Variants in OR51G2 observed in about 807,000 individuals in gnomAD.
The protein encoded by OR51G2 is olfactory receptor 51G2.
OR51G2 carries 13 observed loss-of-function variants against 11.8 expected under a neutral mutation model. The ratio of observed to expected loss-of-function variants is 1.10; its 90% CI spans 0.72 to 1.76. The LOEUF (loss-of-function observed/expected upper bound fraction) is 1.76. Ranked by LOEUF, OR51G2 falls within the 40% of genes most tolerant of loss-of-function variation. OR51G2 has a pLI of 0.00. For missense variants in OR51G2, 474 were observed against 394.4 expected (o/e 1.20, Z -1.71); for synonymous variants, 178 against 151.9 (o/e 1.17, Z -1.26).
intron 1 of OR51G2, among the ~76,000 whole-genome samples, chr11:4,918,448 A>C (rs976161467): frequency 1.3e-5 from 2 of 152,184 alleles, no homozygotes; most frequent in Admixed American, 1.3e-4. Flanking sequence ...GGAATCAGAG[A>C]GAATAATGAG....
At chr11:4,918,136 AAG>A (rs1220754695) in intron 1 of OR51G2, among the ~76,000 whole-genome samples, 2 of 152,040 alleles carry the variant, frequency 1.3e-5, no homozygotes, top group Non-Finnish European at 2.9e-5. Context: ...CAAATGAGGA[AAG>A]AGAGGCTTAG....
rs1340242824 is a variant in OR51G2, at chr11:4,912,666, A to G, written c.*2053T>C. ...AATTCATAATGAAAGATGTTGGAAT[A>G]TTGAGCCTTAAAAAATGTGATTATG... is the stretch of plus-strand genomic sequence containing the variant. On this transcript the variant is annotated 3_prime_UTR_variant, in exon 2 of 2. Transcript: ENST00000641926. 7.0e-6 allele frequency: 1 copy of G among 142,564 alleles called. No individual in the cohort carries two copies. Among genetic ancestry groups the G allele is most frequent in the Non-Finnish European group, 1.5e-5 (1 of 65,096 alleles). 8.8% of individuals were successfully genotyped at this position (142,564 alleles called of 1,614,324 possible). A position where few individuals can be genotyped will look rare whatever the true frequency, so the allele number is the denominator to read the frequency against.
intron 1 of OR51G2, among the ~76,000 whole-genome samples, chr11:4,916,638 C>T (rs1191505144): frequency 6.6e-6 from 1 of 152,156 alleles, no homozygotes; most frequent in East Asian, 1.9e-4. Flanking sequence ...GACATAGAAG[C>T]TTAGCCTTGT....
Position 4,914,977 on chromosome 11 carries a change from G to A in OR51G2, c.687C>T (p.Thr229=), listed in dbSNP as rs758397593. The A allele has an allele frequency of 2.5e-5, 41 of 1,614,082 alleles. No individual in the cohort carries two copies. In the East Asian group the frequency reaches 5.6e-4, roughly 22 times the overall value. The part of the protein sequence containing the change: ...ILFSYALILR[T]VLSIASRAER... The stretch of plus-strand genomic sequence containing the variant: ...CAGCCCTGGAGGCGATGGACAGCAC[G>A]GTGCGCAGGATCAGAGCATAAGAGA... Residue 229 remains threonine (T), a synonymous_variant, in exon 2 of 2, where the codon ACC becomes ACT. Transcript: ENST00000641926.
chr11:4,917,481 A>G (rs1687206000), intron 1 of OR51G2, among the ~76,000 whole-genome samples: 2 of 152,338 alleles, frequency 1.3e-5, no homozygotes, highest in Middle Eastern at 6.8e-3. Context: ...AGCTGAATAA[A>G]TAAATAAACT....
In OR51G2 at chr11:4,915,492, G is replaced by C. The variant is rs143406644; in HGVS notation, c.172C>G (p.Arg58Gly). The change falls in exon 2 of 2, where the codon CGC becomes GGC. Residue 58 changes from arginine (R) to glycine (G), a missense_variant. Arg to Gly is a moderately radical substitution (Grantham distance 125). Coordinates refer to ENST00000641926, the MANE Select transcript of OR51G2 (RefSeq NM_001005238.2). ...AGATACATAGGTTCATGAAGTGAGC[G>C]CTCTGTTTTAATGATAAAAAGAATT... Reference protein sequence around the residue: ...CTILFIIKTERSLHEPMYLFL... With the variant: ...CTILFIIKTEGSLHEPMYLFL... 6.2e-7 allele frequency: 1 copy of C among 1,614,124 alleles called. No homozygotes were observed. The highest frequency in any genetic ancestry group is 8.5e-7 in the Non-Finnish European group (1 of 1,180,012).
In OR51G2 at chr11:4,915,332, C is replaced by G. The variant is rs367565540; in HGVS notation, c.332G>C (p.Cys111Ser). ...ACFAQLFFIH[C>S]FSFLESSVLL... Reference sequence around the variant, plus strand: ...CACAGAGGACTCGAGGAAGGAGAAGCAGTGAATGAAAAAGAGCTGAGCAAA... The same window carrying G: ...CACAGAGGACTCGAGGAAGGAGAAGGAGTGAATGAAAAAGAGCTGAGCAAA... The change falls in exon 2 of 2, where the codon TGC becomes TCC. Residue 111 changes from cysteine (C) to serine (S), a missense_variant. Transcript: ENST00000641926. 6.2e-7 allele frequency: 1 copy of G among 1,613,874 alleles called. No individual in the cohort carries two copies. Among genetic ancestry groups the G allele is most frequent in the African/African-American group, 1.3e-5 (1 of 74,998 alleles).
chr11:4,917,576 C>G (rs917491360), intron 1 of OR51G2, among the ~76,000 whole-genome samples: 1 of 152,212 alleles, frequency 6.6e-6, no homozygotes, highest in Non-Finnish European at 1.5e-5. Context: ...CGTTAACTCA[C>G]TGTCCACCTG....
intron 1 of OR51G2, among the ~76,000 whole-genome samples, chr11:4,916,811 C>T (rs1851100590): frequency 6.6e-6 from 1 of 152,310 alleles, no homozygotes; most frequent in Non-Finnish European, 1.5e-5. Flanking sequence ...TCCAGGAATC[C>T]AACTGCTGTG....
In OR51G2 at chr11:4,915,535, G is replaced by A; in HGVS notation, c.129C>T (p.Ser43=). 2 of 1,614,124 alleles carry A rather than the reference G, an allele frequency of 1.2e-6. No homozygotes were observed. The highest frequency in any genetic ancestry group is 1.1e-5 in the South Asian group (1 of 91,078). Residue 43 remains serine (S), a synonymous_variant, in exon 2 of 2, where the codon TCC becomes TCT. Transcript: ENST00000641926. ...AAAGAATTGTGCAGTTGCCCGGGATGGAAACCAGATACATGAAGCACAGTG... is the reference window on the plus strand; with the variant it reads ...AAAGAATTGTGCAGTTGCCCGGGATAGAAACCAGATACATGAAGCACAGTG... ...SIPLCFMYLV[S]IPGNCTILFI... is the part of the protein sequence containing the mutation.
In OR51G2 at chr11:4,915,208, G is replaced by T; in HGVS notation, c.456C>A (p.Val152=). The T allele has an allele frequency of 6.2e-7, 1 of 1,613,994 alleles. No homozygotes were observed. Among genetic ancestry groups the T allele is most frequent in the Non-Finnish European group, 8.5e-7 (1 of 1,180,016 alleles). The change falls in exon 2 of 2, where the codon GTC becomes GTA. Residue 152 remains valine (V), a synonymous_variant. Transcript: ENST00000641926. Reference sequence around the variant, plus strand: ...TGAGTGCTACACTACGACCCAGAGAGACCAGGCCAATCCTGCCAATGACTG... The same window carrying T: ...TGAGTGCTACACTACGACCCAGAGATACCAGGCCAATCCTGCCAATGACTG... The part of the protein sequence containing the change: ...TNTVIGRIGL[V]SLGRSVALIF...
In OR51G2 at chr11:4,918,394, G is replaced by A. The variant is rs1851130664; in HGVS notation, c.-77+783C>T. On this transcript the variant is annotated intron_variant, in intron 1 of 1. Coordinates refer to ENST00000641926, the MANE Select transcript of OR51G2 (RefSeq NM_001005238.2). The stretch of plus-strand genomic sequence containing the variant: ...TAAACTCAAGACAGACTTTCTTTGG[G>A]ATTGGAACTTGTGCTTCAGATTGTA... Among the ~76,000 whole-genome samples the A allele has an allele frequency of 1.3e-5, 2 of 152,118 alleles. 1 individual carries two copies. Among genetic ancestry groups the A allele is most frequent in the African/African-American group, 4.8e-5 (2 of 41,432 alleles).
chr11:4,918,191 C>T (rs1213457648), intron 1 of OR51G2, among the ~76,000 whole-genome samples: 1 of 151,952 alleles, frequency 6.6e-6, no homozygotes, highest in Non-Finnish European at 1.5e-5. Flanking sequence ...CAGTCAGTGC[C>T]GGAGCTGGAA....
Position 4,915,678 on chromosome 11 carries a change from A to AC in OR51G2, c.-16_-15insG. On this transcript the variant is annotated 5_prime_UTR_variant, in exon 2 of 2. Coordinates refer to ENST00000641926, the MANE Select transcript of OR51G2 (RefSeq NM_001005238.2). ...CCCAGGGTCATTGTGTGAGGAGACAAGGGGGAAGGTGGGTGCCCTCCAAAA... is the reference window on the plus strand; with the variant it reads ...CCCAGGGTCATTGTGTGAGGAGACAACGGGGGAAGGTGGGTGCCCTCCAAAA... The AC allele has an allele frequency of 1.3e-6, 2 of 1,592,636 alleles. No homozygotes were observed. Among genetic ancestry groups the AC allele is most frequent in the Non-Finnish European group, 8.6e-7 (1 of 1,166,200 alleles).
At chr11:4,917,403 T>C (rs765556168) in intron 1 of OR51G2, among the ~76,000 whole-genome samples, 6 of 152,240 alleles carry the variant, frequency 3.9e-5, no homozygotes, top group Non-Finnish European at 7.3e-5. Flanking sequence ...TCTTGCCATA[T>C]AGATAATAAT....
In OR51G2 at chr11:4,915,114, A is replaced by G. The variant is rs147494827; in HGVS notation, c.550T>C (p.Cys184Arg). 1.3e-4 allele frequency: 208 copies of G among 1,614,032 alleles called. No individual in the cohort carries two copies. The highest frequency in any genetic ancestry group is 1.7e-4 in the Non-Finnish European group (204 of 1,180,038). ...AATTTCATCACTTCTTGGTGGAGAC[A>G]ATAAGAATGTGAGAGAACTGGGGAG... The part of the protein sequence containing the change: ...CGSPVLSHSY[C>R]LHQEVMKLAC... Residue 184 changes from cysteine (C) to arginine (R), a missense_variant, in exon 2 of 2, where the codon TGT (cysteine) becomes CGT (arginine). Transcript: ENST00000641926.
In OR51G2 at chr11:4,914,464, T is replaced by C; in HGVS notation, c.*255A>G. ...TATCTCTTTATGAGGAGTAGCAAGT[T>C]CCTGGAAGAGCATGTGGGTTTAGAA... On this transcript the variant is annotated 3_prime_UTR_variant, in exon 2 of 2. Transcript: ENST00000641926. 1 of 426,144 alleles carries C rather than the reference T, an allele frequency of 2.3e-6. No homozygotes were observed. The highest frequency in any genetic ancestry group is 4.2e-6 in the Non-Finnish European group (1 of 237,352). The allele number at this position is 426,144 out of a possible 1,614,324, so 26.4% of individuals were successfully genotyped here.
Position 4,915,504 on chromosome 11 carries a change from T to C in OR51G2, c.160A>G (p.Ile54Val), listed in dbSNP as rs2133574863. The stretch of plus-strand genomic sequence containing the variant: ...TCATGAAGTGAGCGCTCTGTTTTAA[T>C]GATAAAAAGAATTGTGCAGTTGCCC... ...IPGNCTILFI[I>V]KTERSLHEPM... The change falls in exon 2 of 2, where the codon ATT becomes GTT. Residue 54 changes from isoleucine (I) to valine (V), a missense_variant. Ile to Val is a conservative substitution (Grantham distance 29). Transcript: ENST00000641926. 6.2e-7 allele frequency: 1 copy of C among 1,614,104 alleles called. No homozygotes were observed. The highest frequency in any genetic ancestry group is 1.7e-4 in the Middle Eastern group (1 of 6,058).
At position 4,914,554 on chromosome 11, in the gene OR51G2, G is replaced by T; in HGVS notation, c.*165C>A. On this transcript the variant is annotated 3_prime_UTR_variant, in exon 2 of 2. Coordinates refer to ENST00000641926, the MANE Select transcript of OR51G2 (RefSeq NM_001005238.2). ...ATCATATTACATTTTACCCCCCCCTGCCCTGGCCACAACAGAGTGAGGGTT... is the reference window on the plus strand; with the variant it reads ...ATCATATTACATTTTACCCCCCCCTTCCCTGGCCACAACAGAGTGAGGGTT... The T allele has an allele frequency of 3.5e-6, 2 of 574,768 alleles. No homozygotes were observed. Among genetic ancestry groups the T allele is most frequent in the South Asian group, 2.6e-5 (1 of 39,110 alleles). The allele number at this position is 574,768 out of a possible 1,614,324, so 35.6% of individuals were successfully genotyped here.
Sources: gnomAD v4.1 joint callset for allele counts (sites outside exome capture counted in the v4.1 genomes callset) on GRCh38, gnomAD v4.1.1 for gene constraint, MANE v1.5 for transcripts, NCBI Gene and HGNC (gene_info 2026-07-23, HGNC 2026-07-21) for gene names.